Variants in SLC39A11 observed in about 807,000 individuals in gnomAD.
SLC39A11 encodes zinc transporter ZIP11.
Under a neutral mutation model 36.1 loss-of-function variants are expected in SLC39A11, and 33 were observed. The ratio of observed to expected loss-of-function variants is 0.91; its 90% CI spans 0.69 to 1.22. The LOEUF (loss-of-function observed/expected upper bound fraction) is 1.22. Among genes scored for constraint, SLC39A11 ranks in the 50% most tolerant of loss-of-function variants. SLC39A11 has a pLI of 0.00. For synonymous variants in SLC39A11, 166 were observed against 170.3 expected (o/e 0.97, Z 0.20); for missense variants, 432 against 430.3 (o/e 1.00, Z -0.03).
intron 6 of SLC39A11, among the ~76,000 whole-genome samples, chr17:72,806,581 T>C (rs2077265951): frequency 1.3e-5 from 2 of 152,144 alleles, no homozygotes; most frequent in Non-Finnish European, 2.9e-5. Context: ...TTTTATTGTA[T>C]CACTTTTGCA....
intron 3 of SLC39A11, among the ~76,000 whole-genome samples, chr17:73,070,242 A>T (rs1199112033): frequency 6.6e-6 from 1 of 152,186 alleles, no homozygotes; most frequent in African/African-American, 2.4e-5. Flanking sequence ...GACCGACTGG[A>T]AAATGAACCT....
chr17:73,064,733 G>A (rs1269328066), intron 3 of SLC39A11, among the ~76,000 whole-genome samples: 1 of 152,144 alleles, frequency 6.6e-6, no homozygotes, highest in Non-Finnish European at 1.5e-5. Flanking sequence ...GAAGTGGAAT[G>A]AGGCCAAGAA....
chr17:72,653,404 C>CTT lies in SLC39A11; in HGVS notation c.672-4138_672-4137dup, dbSNP rs141317563. On this transcript the variant is annotated intron_variant, in intron 7 of 9. Transcript: ENST00000255559. ...GATTACAGGTATGAGCCACTGCACC[C>CTT]TTTTTTTTTGTTTTGGTTTTTCTTT... 3.0e-4 allele frequency among the ~76,000 whole-genome samples: 45 copies of CTT among 148,422 alleles called. No individual in the cohort carries two copies. The East Asian group carries it at 4.2e-3, about 14-fold the overall frequency.
chr17:72,656,786 T>C (rs561285666), intron 7 of SLC39A11, among the ~76,000 whole-genome samples: 1 of 152,178 alleles, frequency 6.6e-6, no homozygotes, highest in South Asian at 2.1e-4. Context: ...CATCCAGCAT[T>C]GGGGGAATCA....
intron 5 of SLC39A11, among the ~76,000 whole-genome samples, chr17:72,936,626 G>A (rs915752677): frequency 2.6e-5 from 4 of 152,010 alleles, no homozygotes; most frequent in Admixed American, 6.6e-5. Context: ...TAAAGACATG[G>A]AACTAAGTAA....
chr17:72,991,374 T>C (rs1005600534), intron 4 of SLC39A11, among the ~76,000 whole-genome samples: 7 of 152,062 alleles, frequency 4.6e-5, no homozygotes, highest in African/African-American at 1.7e-4. Flanking sequence ...TTTTTTTTTT[T>C]TGAGATGGAG....
At chr17:72,745,158 C>T (rs2074881962) in intron 6 of SLC39A11, among the ~76,000 whole-genome samples, 5 of 152,174 alleles carry the variant, frequency 3.3e-5, no homozygotes, top group East Asian at 1.9e-4. Flanking sequence ...TTTTGAGAAA[C>T]ACAAATGTTG....
intron 5 of SLC39A11, among the ~76,000 whole-genome samples, chr17:72,923,857 A>G (rs1226186427): frequency 6.6e-6 from 1 of 152,146 alleles, no homozygotes; most frequent in Admixed American, 6.5e-5. Context: ...ATAAAGAAAA[A>G]AAATGGGCCA....
chr17:72,844,881 C>CT (rs1567810175), intron 6 of SLC39A11, among the ~76,000 whole-genome samples: 2 of 152,230 alleles, frequency 1.3e-5, no homozygotes, highest in African/African-American at 4.8e-5. Flanking sequence ...CCTTCCTCGT[C>CT]TCAGTTGATG....
chr17:72,861,688 T>TATAAAA (rs1169877556), intron 5 of SLC39A11, among the ~76,000 whole-genome samples: 1 of 88,800 alleles, frequency 1.1e-5, no homozygotes, highest in Non-Finnish European at 2.3e-5. Context: ...TATATATATA[T>TATAAAA]AAAATATATA....
At chr17:72,873,955 GC>G (rs2080772070) in intron 5 of SLC39A11, among the ~76,000 whole-genome samples, 1 of 152,126 alleles carries the variant, frequency 6.6e-6, no homozygotes, top group African/African-American at 2.4e-5. Context: ...CACTTGCTCA[GC>G]TCTCACTCTT....
At chr17:73,082,809 G>A (rs1335171396) in intron 3 of SLC39A11, among the ~76,000 whole-genome samples, 3 of 151,644 alleles carry the variant, frequency 2.0e-5, no homozygotes, top group Middle Eastern at 6.8e-3. Context: ...TCAGGAGTTC[G>A]AGACCAGCCT....
At chr17:72,814,002 G>A (rs150709144) in intron 6 of SLC39A11, among the ~76,000 whole-genome samples, 9 of 152,252 alleles carry the variant, frequency 5.9e-5, no homozygotes, top group East Asian at 5.8e-4. Context: ...GGACTTATCC[G>A]GTCTCAGAAC....
intron 6 of SLC39A11, among the ~76,000 whole-genome samples, chr17:72,767,096 A>G (rs2075784012): frequency 6.6e-6 from 1 of 152,230 alleles, no homozygotes; most frequent in South Asian, 2.1e-4. Flanking sequence ...AGAGCTCCTG[A>G]CCAAAATCGG....
At chr17:72,893,316 C>T (rs922500572) in intron 5 of SLC39A11, among the ~76,000 whole-genome samples, 2 of 152,044 alleles carry the variant, frequency 1.3e-5, no homozygotes, top group African/African-American at 4.8e-5. Flanking sequence ...CAAAAATTAG[C>T]CAGGCGTGGT....
At chr17:72,830,515 T>G (rs1165391803) in intron 6 of SLC39A11, among the ~76,000 whole-genome samples, 1 of 152,212 alleles carries the variant, frequency 6.6e-6, no homozygotes, top group South Asian at 2.1e-4. Flanking sequence ...TTTACTCTTC[T>G]GTCCAGCAAC....
At chr17:72,991,245 T>G (rs2089152665) in intron 4 of SLC39A11, among the ~76,000 whole-genome samples, 2 of 152,184 alleles carry the variant, frequency 1.3e-5, no homozygotes, top group Non-Finnish European at 1.5e-5. Context: ...TGCTAATATA[T>G]TTTTATATGT....
intron 4 of SLC39A11, among the ~76,000 whole-genome samples, chr17:72,976,033 G>T (rs933462504): frequency 6.6e-6 from 1 of 151,824 alleles, no homozygotes; most frequent in African/African-American, 2.4e-5. Flanking sequence ...AGCCGGGCGT[G>T]GTGGCGGGCA....
chr17:73,053,364 C>A (rs573658027), intron 3 of SLC39A11, among the ~76,000 whole-genome samples: 1 of 151,922 alleles, frequency 6.6e-6, no homozygotes, highest in East Asian at 1.9e-4. Context: ...AAGTAGTAAC[C>A]CTGAGGGCCA....
Sources: allele counts gnomAD v4.1 joint callset (sites outside exome capture counted in the v4.1 genomes callset), GRCh38; gene constraint gnomAD v4.1.1; transcripts MANE v1.5; gene names NCBI Gene and HGNC (gene_info 2026-07-23, HGNC 2026-07-21).